Variants in ZNF143 observed in about 807,000 individuals in gnomAD.
ZNF143 encodes SPH-binding factor.
A neutral mutation model predicts 74.1 loss-of-function variants in ZNF143; 49 were observed. The ratio of observed to expected loss-of-function variants is 0.66; its 90% CI spans 0.53 to 0.84. ZNF143 has a LOEUF of 0.84. Among genes scored for constraint, ZNF143 ranks in the 40% least tolerant of loss-of-function variants. ZNF143 has a pLI of 0.00. For missense variants in ZNF143, 637 were observed against 793.4 expected (o/e 0.80, Z 2.37); for synonymous variants, 304 against 282.8 (o/e 1.07, Z -0.75).
At chr11:9,496,413 A>G (rs1847959296) in intron 9 of ZNF143, 35 bp downstream of exon 9, 1 of 1,582,086 alleles carries the variant, frequency 6.3e-7, no homozygotes, top group Non-Finnish European at 8.7e-7. Flanking sequence ...TCTTGGTTCC[A>G]ATTAGGGGTC....
intron 14 of ZNF143, 33 bp from the exon 15 acceptor site, chr11:9,525,206 CT>C: frequency 6.2e-7 from 1 of 1,612,890 alleles, no homozygotes. Flanking sequence ...AGGTTTAATT[CT>C]TTATGTGTAT....
In ZNF143 at chr11:9,487,203, G is replaced by A. The variant is rs1299142841; in HGVS notation, c.646-7443G>A. The stretch of plus-strand genomic sequence containing the variant: ...GCTGGTCTCGAACTCCTGACCTCAA[G>A]TGATCTGCCTGCCTTGGCCTCCCAA... On this transcript the variant is annotated intron_variant, in intron 7 of 15. Transcript: ENST00000396602. 8.7e-5 allele frequency among the ~76,000 whole-genome samples: 13 copies of A among 150,042 alleles called. 1 individual carries two copies. Among genetic ancestry groups the A allele is most frequent in the African/African-American group, 3.2e-4 (13 of 40,118 alleles).
chr11:9,484,543 T>C (rs879096171), intron 7 of ZNF143, among the ~76,000 whole-genome samples: 1 of 150,700 alleles, frequency 6.6e-6, no homozygotes, highest in Admixed American at 6.6e-5. Context: ...GTCTCTTTTT[T>C]TCTACCTCTA....
At chr11:9,476,227 A>G (rs1427666219) in intron 5 of ZNF143, among the ~76,000 whole-genome samples, 4 of 151,988 alleles carry the variant, frequency 2.6e-5, no homozygotes, top group Admixed American at 6.6e-5. Context: ...AATGAGGATT[A>G]TAGTAGGTGT....
chr11:9,527,523 G>A lies in ZNF143; in HGVS notation c.1834-7G>A, dbSNP rs753601781. On this transcript the variant is annotated splice_region_variant and splice_polypyrimidine_tract_variant and intron_variant, in intron 15 of 15. Coordinates refer to ENST00000396602, the MANE Select transcript of ZNF143 (RefSeq NM_003442.6). ...GTTAGCGTTTGATGTGTGTGTTCCT[G>A]TTTCAGCTTGGAGAACAGCCATCTC... The A allele has an allele frequency of 2.5e-6, 4 of 1,613,324 alleles. No homozygotes were observed. The highest frequency in any genetic ancestry group is 3.4e-6 in the Non-Finnish European group (4 of 1,179,718).
intron 11 of ZNF143, among the ~76,000 whole-genome samples, chr11:9,506,904 C>T (rs1848385099): frequency 6.6e-6 from 1 of 152,082 alleles, no homozygotes; most frequent in Non-Finnish European, 1.5e-5. Context: ...AATCCAAATC[C>T]ATTCGCCTCT....
chr11:9,504,300 C>T (rs1848276418), intron 11 of ZNF143, among the ~76,000 whole-genome samples: 1 of 106,760 alleles, frequency 9.4e-6, no homozygotes, highest in African/African-American at 2.8e-5. Flanking sequence ...TGTATATCTT[C>T]TTTGGAGAAA....
chr11:9,477,558 C>G (rs981528818), intron 5 of ZNF143, among the ~76,000 whole-genome samples: 7 of 151,970 alleles, frequency 4.6e-5, no homozygotes, highest in Admixed American at 4.6e-4. Context: ...AAAGGCCGCA[C>G]TTTTTTCTTT....
rs753597250 is a variant in ZNF143, at chr11:9,494,772, A to G, written c.765+7A>G. 2 of 1,603,490 alleles carry G rather than the reference A, an allele frequency of 1.2e-6. No homozygotes were observed. The highest frequency in any genetic ancestry group is 1.1e-5 in the South Asian group (1 of 90,474). On this transcript the variant is annotated splice_region_variant and intron_variant, in intron 8 of 15. Coordinates refer to ENST00000396602, the MANE Select transcript of ZNF143 (RefSeq NM_003442.6). The stretch of plus-strand genomic sequence containing the variant: ...AACAGCTCATCATCTCAAGGTATAT[A>G]TAAAAGAAATGTTCTATCTAGTTAT...
intron 13 of ZNF143, 85 bp from the exon 14 acceptor site, chr11:9,516,116 T>C (rs998204646): frequency 2.2e-6 from 3 of 1,339,554 alleles, no homozygotes; most frequent in Non-Finnish European, 3.1e-6. Flanking sequence ...GGCAAACTTA[T>C]ACAAGGATTA....
intron 10 of ZNF143, among the ~76,000 whole-genome samples, chr11:9,500,394 G>C (rs1286489675): frequency 6.6e-6 from 1 of 150,788 alleles, no homozygotes; most frequent in Admixed American, 6.6e-5. Context: ...TCCTGACACA[G>C]TTAATATTAG....
At chr11:9,470,789 CAAAAG>C (rs1332784489) in intron 1 of ZNF143, among the ~76,000 whole-genome samples, 2 of 151,926 alleles carry the variant, frequency 1.3e-5, no homozygotes, top group Non-Finnish European at 2.9e-5. Flanking sequence ...ACCGCTGTGT[CAAAAG>C]AAGAGTGTAG....
rs752017822 is a variant in ZNF143 at position 9,471,302 on chromosome 11, G to A, written c.-7G>A. The A allele has an allele frequency of 1.7e-5, 27 of 1,599,108 alleles. No homozygotes were observed. Among genetic ancestry groups the A allele is most frequent in the Non-Finnish European group, 2.3e-5 (27 of 1,174,766 alleles). On this transcript the variant is annotated splice_region_variant and 5_prime_UTR_variant, in exon 2 of 16. Coordinates refer to ENST00000396602, the MANE Select transcript of ZNF143 (RefSeq NM_003442.6). ...CCAAGTGTCTTTATTTTTCTTCAAG[G>A]TAGAAGATGTTGTTAGCCCAAATAA...
chr11:9,508,864 T>G lies in ZNF143; in HGVS notation c.1375+18T>G, dbSNP rs1210084612. 1.3e-6 allele frequency: 2 copies of G among 1,553,956 alleles called. No individual in the cohort carries two copies. The highest frequency in any genetic ancestry group is 2.7e-5 in the African/African-American group (2 of 73,138). On this transcript the variant is annotated intron_variant, in intron 12 of 15. Transcript: ENST00000396602. The stretch of plus-strand genomic sequence containing the variant: ...GCCCCCAGGTGAGAGTTTTGTCTAC[T>G]ATATTTTGTTTCTGAGTTTGAGAAT...
intron 5 of ZNF143, among the ~76,000 whole-genome samples, chr11:9,477,349 G>A (rs1038519298): frequency 5.3e-5 from 8 of 151,864 alleles, no homozygotes; most frequent in Non-Finnish European, 1.2e-4. Flanking sequence ...CCACATCCTG[G>A]GTTCAAGCGA....
intron 1 of ZNF143, among the ~76,000 whole-genome samples, chr11:9,462,396 G>A (rs1855918402): frequency 6.6e-6 from 1 of 151,884 alleles, no homozygotes; most frequent in South Asian, 2.1e-4. Flanking sequence ...GCCCTCCCAT[G>A]TTTCTACAAA....
chr11:9,501,061 C>G (rs754241869), intron 10 of ZNF143, 30 bp from the exon 11 acceptor site: 1 of 1,611,678 alleles, frequency 6.2e-7, no homozygotes, highest in East Asian at 2.2e-5. Context: ...ATTTTTGCAC[C>G]ATTTAATGTA....
intron 11 of ZNF143, among the ~76,000 whole-genome samples, chr11:9,503,217 G>C (rs1163853641): frequency 1.3e-5 from 2 of 148,562 alleles, no homozygotes; most frequent in African/African-American, 4.8e-5. Flanking sequence ...TCATTATATG[G>C]ATGTACTACA....
At position 9,478,558 on chromosome 11, in the gene ZNF143, T is replaced by C; in HGVS notation, c.542T>C (p.Ile181Thr). Residue 181 changes from isoleucine to threonine, a missense_variant, in exon 6 of 16, where the codon ATC becomes ACC. Physicochemically the swap from Ile to Thr is moderately conservative, Grantham distance 89. Coordinates refer to ENST00000396602, the MANE Select transcript of ZNF143 (RefSeq NM_003442.6). ...GATGCTACAATTGACCCTGACACCATCAGTGCTTTGGAACAGTATGCAGCA... is the reference window on the plus strand; with the variant it reads ...GATGCTACAATTGACCCTGACACCACCAGTGCTTTGGAACAGTATGCAGCA... ...TGDATIDPDT[I>T]SALEQYAAKV... 6.2e-7 allele frequency: 1 copy of C among 1,614,174 alleles called. No homozygotes were observed. The highest frequency in any genetic ancestry group is 2.2e-5 in the East Asian group (1 of 44,874).
Sources: allele counts gnomAD v4.1 joint callset (sites outside exome capture counted in the v4.1 genomes callset), GRCh38; gene constraint gnomAD v4.1.1; transcripts MANE v1.5; gene names NCBI Gene and HGNC (gene_info 2026-07-23, HGNC 2026-07-21).